The following CELF5 variants were observed in gnomAD, a reference collection of about 807,000 sequenced individuals.
CELF5 encodes the protein CUG-BP and ETR-3 like factor 5.
In CELF5, 6 loss-of-function variants were observed where a neutral mutation model predicts 54.9. The observed-to-expected ratio is 0.11, with a 90% CI of 0.06 to 0.22. The LOEUF is 0.22. Among genes scored for constraint, CELF5 ranks in the 10% least tolerant of loss-of-function variants. The pLI is 1.00. For synonymous variants in CELF5, 271 were observed against 290.9 expected (o/e 0.93, Z 0.70); for missense variants, 401 against 678.6 (o/e 0.59, Z 4.54).
At chr19:3,246,525 A>T (rs1477211867) in intron 1 of CELF5, among the ~76,000 whole-genome samples, 1 of 151,876 alleles carries the variant, frequency 6.6e-6, no homozygotes, top group Non-Finnish European at 1.5e-5. Flanking sequence ...GCAACATAGC[A>T]AGACCCCATC....
chr19:3,234,345 C>T (rs928520327), intron 1 of CELF5, among the ~76,000 whole-genome samples: 2 of 152,112 alleles, frequency 1.3e-5, no homozygotes, highest in Non-Finnish European at 1.5e-5. Context: ...GCAATCTTCC[C>T]GCCTTGGCCT....
Position 3,282,117 on chromosome 19 carries a change from C to T in CELF5, c.751-9C>T. The T allele has an allele frequency of 6.2e-7, 1 of 1,614,158 alleles. No homozygotes were observed. The highest frequency in any genetic ancestry group is 1.1e-5 in the South Asian group (1 of 91,086). ...TATCACCCCAACTGTGACATGTCTT[C>T]ACCCCCAGCTCATGCAACAGCAGAC... On this transcript the variant is annotated splice_polypyrimidine_tract_variant and intron_variant, in intron 6 of 12. Transcript: ENST00000292672. This position sits in a 1 kb window ranked among gnomAD's most constrained non-coding sequence, Gnocchi z 5.2.
At position 3,268,900 on chromosome 19, in the gene CELF5, G is replaced by A. The variant is rs527316683; in HGVS notation, c.343-4972G>A. Reference sequence around the variant, plus strand: ...TTCTGTCACCAGCCACGTTCAGGGGGCCATGGCAGGAGGAGCGGGGAGGAA... The same window carrying A: ...TTCTGTCACCAGCCACGTTCAGGGGACCATGGCAGGAGGAGCGGGGAGGAA... On this transcript the variant is annotated intron_variant, in intron 2 of 12. Transcript: ENST00000292672. This position sits in a 1 kb window ranked among gnomAD's most constrained non-coding sequence, Gnocchi z 4.4. 1.4e-4 allele frequency among the ~76,000 whole-genome samples: 21 copies of A among 152,134 alleles called. No homozygotes were observed. The East Asian group carries it at 3.7e-3, about 27-fold the overall frequency.
intron 2 of CELF5, among the ~76,000 whole-genome samples, chr19:3,257,981 A>G (rs1169137718): frequency 6.9e-6 from 1 of 143,916 alleles, no homozygotes; most frequent in Non-Finnish European, 1.5e-5. Context: ...TTTTTTTTTG[A>G]CAGAGTTTTG....
intron 1 of CELF5, among the ~76,000 whole-genome samples, chr19:3,230,163 A>G (rs922764801): frequency 2.0e-5 from 3 of 152,270 alleles, no homozygotes; most frequent in East Asian, 1.9e-4. Context: ...CGTACTGAGC[A>G]AGAGGGGTCT....
At chr19:3,232,228 A>C (rs1489905986) in intron 1 of CELF5, among the ~76,000 whole-genome samples, 1 of 152,178 alleles carries the variant, frequency 6.6e-6, no homozygotes, top group Non-Finnish European at 1.5e-5. Context: ...ACAGGTAGCT[A>C]GTTCACAGAG....
intron 2 of CELF5, among the ~76,000 whole-genome samples, chr19:3,253,886 T>G (rs1245465996): frequency 1.3e-5 from 2 of 151,894 alleles, no homozygotes; most frequent in African/African-American, 4.8e-5. Flanking sequence ...TTCTAAGGAG[T>G]CCTCCCAGCT....
intron 2 of CELF5, among the ~76,000 whole-genome samples, chr19:3,265,014 T>C (rs1383338328): frequency 6.6e-6 from 1 of 152,136 alleles, no homozygotes; most frequent in Non-Finnish European, 1.5e-5. Flanking sequence ...GGGCCTGGCC[T>C]GTTTTACTTA....
In CELF5 at chr19:3,228,694, G is replaced by C. The variant is rs935922077; in HGVS notation, c.259+3696G>C. On this transcript the variant is annotated intron_variant, in intron 1 of 12. Coordinates refer to ENST00000292672, the MANE Select transcript of CELF5 (RefSeq NM_021938.4). The surrounding 1 kb of genome is among the most constrained non-coding windows in gnomAD (Gnocchi z 6.0). ...ACCAGCTGCCGGCTCGACTCGGGAG[G>C]GGGGGAGGAGGAGGCTGTAGCAGGC... 3.6e-4 allele frequency among the ~76,000 whole-genome samples: 54 copies of C among 151,944 alleles called. No individual in the cohort carries two copies. The highest frequency in any genetic ancestry group is 8.0e-4 in the African/African-American group (33 of 41,472).
intron 2 of CELF5, among the ~76,000 whole-genome samples, chr19:3,262,803 G>A (rs950529733): frequency 4.6e-5 from 7 of 151,992 alleles, no homozygotes; most frequent in Non-Finnish European, 1.0e-4. Context: ...GCCGGGCATG[G>A]TGGCACATGC....
At chr19:3,264,236 C>G (rs1476682586) in intron 2 of CELF5, among the ~76,000 whole-genome samples, 2 of 151,550 alleles carry the variant, frequency 1.3e-5, no homozygotes, top group African/African-American at 4.8e-5. Flanking sequence ...TAGTGACACC[C>G]CATCTGAAAA....
intron 1 of CELF5, among the ~76,000 whole-genome samples, chr19:3,246,768 C>A (rs570079948): frequency 6.6e-6 from 1 of 152,234 alleles, no homozygotes; most frequent in South Asian, 2.1e-4. Context: ...ATAATTGCCC[C>A]AAATAGCAAA....
chr19:3,291,769 A>G (rs1015654307), intron 11 of CELF5, among the ~76,000 whole-genome samples: 1 of 150,950 alleles, frequency 6.6e-6, no homozygotes, highest in African/African-American at 2.4e-5. Flanking sequence ...GAGGAGGGGG[A>G]ACATGGAGAG....
At chr19:3,291,856 G>C (rs143706424) in intron 11 of CELF5, among the ~76,000 whole-genome samples, 42 of 152,244 alleles carry the variant, frequency 2.8e-4, no homozygotes, top group African/African-American at 9.9e-4. Flanking sequence ...GGACATTAAG[G>C]CTCTGAAAAG....
At chr19:3,252,788 G>C (rs1406940354) in intron 2 of CELF5, among the ~76,000 whole-genome samples, 1 of 152,046 alleles carries the variant, frequency 6.6e-6, no homozygotes, top group Non-Finnish European at 1.5e-5. Flanking sequence ...ACATCTGTGG[G>C]CTCGTTGCTC....
At chr19:3,234,622 C>G (rs910943053) in intron 1 of CELF5, among the ~76,000 whole-genome samples, 14 of 152,082 alleles carry the variant, frequency 9.2e-5, no homozygotes, top group African/African-American at 3.4e-4. Context: ...CACCAGTGAC[C>G]TGGCTTGGGC....
chr19:3,275,507 C>T lies in CELF5; in HGVS notation c.395-349C>T, dbSNP rs2080033254. On this transcript the variant is annotated intron_variant, in intron 3 of 12. Transcript: ENST00000292672. This position sits in a 1 kb window ranked among gnomAD's most constrained non-coding sequence, Gnocchi z 6.7. ...GGCGAGGCAGCTCCTAGCCCTAGTACTCGGTGCGGGCTCTCTGAGTGCACC... is the reference window on the plus strand; with the variant it reads ...GGCGAGGCAGCTCCTAGCCCTAGTATTCGGTGCGGGCTCTCTGAGTGCACC... 6.6e-6 allele frequency among the ~76,000 whole-genome samples: 1 copy of T among 152,222 alleles called. No individual in the cohort carries two copies.
intron 2 of CELF5, among the ~76,000 whole-genome samples, chr19:3,263,475 C>T (rs895880868): frequency 2.0e-5 from 3 of 149,872 alleles, no homozygotes; most frequent in Non-Finnish European, 3.0e-5. Context: ...GCACACGAAT[C>T]GCTTGAACCC....
rs566235628 is a variant in CELF5 at position 3,281,856 on chromosome 19, G to A, written c.751-270G>A. On this transcript the variant is annotated intron_variant, in intron 6 of 12. Transcript: ENST00000292672. The surrounding 1 kb of genome is among the most constrained non-coding windows in gnomAD (Gnocchi z 6.5). ...CAGGCTGAGCCTCGCTTTTCTAACT[G>A]AGCCCTGATCCTAGGCTGAGCCTTG... Among the ~76,000 whole-genome samples, 5 of 151,606 alleles carry A rather than the reference G, an allele frequency of 3.3e-5. No homozygotes were observed. In the East Asian group the frequency reaches 9.7e-4, roughly 29 times the overall value.
Sources: gnomAD v4.1 joint callset for allele counts (sites outside exome capture counted in the v4.1 genomes callset) on GRCh38, gnomAD v4.1.1 for gene constraint, Gnocchi (gnomAD v3.1) non-coding constraint, MANE v1.5 for transcripts, NCBI Gene and HGNC (gene_info 2026-07-23, HGNC 2026-07-21) for gene names.